Variants in PGBD2 observed in about 807,000 individuals in gnomAD.
PGBD2 encodes piggyBac transposable element derived 2.
In PGBD2, 6 loss-of-function variants were observed where a neutral mutation model predicts 8.1. The ratio of observed to expected loss-of-function variants is 0.74; its 90% CI spans 0.40 to 1.46. The LOEUF (loss-of-function observed/expected upper bound fraction) is 1.46, where lower values mean the gene tolerates loss of function less well. PGBD2 is among the 40% of genes most tolerant of loss of function. The pLI, the probability that PGBD2 is intolerant of heterozygous loss-of-function variation, is 0.02. For missense variants in PGBD2, 802 were observed against 739.0 expected (o/e 1.09, Z -0.99); for synonymous variants, 318 against 272.2 (o/e 1.17, Z -1.66).
chr1:248,916,390 A>T (rs1402640593), intron 2 of PGBD2, among the ~76,000 whole-genome samples: 1 of 152,166 alleles, frequency 6.6e-6, no homozygotes, highest in African/African-American at 2.4e-5. Context: ...GTGACAGAGC[A>T]TGACTCCGTC....
At chr1:248,903,808 T>C (rs1337527320), upstream of PGBD2, among the ~76,000 whole-genome samples, 1 of 152,188 alleles carries the variant, frequency 6.6e-6, no homozygotes, top group Non-Finnish European at 1.5e-5. Flanking sequence ...GTATGTGACA[T>C]TCTTAATTGT....
chr1:248,878,342 C>G, the PGBD2 span, among the ~76,000 whole-genome samples: 1 of 152,116 alleles, frequency 6.6e-6, no homozygotes, highest in East Asian at 1.9e-4. Context: ...CCACGCCCAG[C>G]TAGTTTTTGT....
chr1:248,916,953 T>C lies in PGBD2; in HGVS notation c.369T>C (p.Ser123=), dbSNP rs759403965. The part of the protein sequence containing the change: ...TKRDIRPDFG[S]WTASDPHIED... ...GAGATATTCGTCCAGACTTTGGCAG[T>C]TGGACTGCATCAGATCCTCATATTG... The change falls in exon 3 of 3, where the codon AGT becomes AGC. Residue 123 remains serine (S), a synonymous_variant. Transcript: ENST00000329291. The C allele has an allele frequency of 6.2e-7, 1 of 1,613,564 alleles. No homozygotes were observed. Among genetic ancestry groups the C allele is most frequent in the African/African-American group, 1.3e-5 (1 of 74,870 alleles).
At chr1:248,913,760 T>C in intron 1 of PGBD2, 56 bp from the exon 2 acceptor site, 2 of 887,412 alleles carry the variant, frequency 2.3e-6, no homozygotes, top group Non-Finnish European at 1.9e-6. Flanking sequence ...AAAGATCCTG[T>C]TGCCTTGCTT....
chr1:248,913,314 G>C (rs1437136335), intron 1 of PGBD2, among the ~76,000 whole-genome samples: 1 of 151,976 alleles, frequency 6.6e-6, no homozygotes, highest in Non-Finnish European at 1.5e-5. Flanking sequence ...ATTTCTTGTG[G>C]GTATTTATAG....
the PGBD2 span, among the ~76,000 whole-genome samples, chr1:248,874,289 C>A: frequency 3.9e-5 from 6 of 152,252 alleles, no homozygotes; most frequent in African/African-American, 9.6e-5. Context: ...CTCTCACCGC[C>A]GCGGCCCGGG....
the PGBD2 span, among the ~76,000 whole-genome samples, chr1:248,897,960 G>C: frequency 2.0e-5 from 3 of 152,198 alleles, no homozygotes; most frequent in East Asian, 1.9e-4. Flanking sequence ...CAGCAGCTAC[G>C]GCAGGTTGTG....
Position 248,917,537 on chromosome 1 carries a change from C to T in PGBD2, c.953C>T (p.Thr318Ile). Reference protein sequence around the residue: ...WFEPSQGTLFTKPDRSLDLGG... With the variant: ...WFEPSQGTLFIKPDRSLDLGG... ...GAGCCCTCACAGGGCACACTGTTTA[C>T]CAAGCCAGACAGGAGCTTGGATCTA... Residue 318 changes from threonine to isoleucine, a missense_variant, in exon 3 of 3, where the codon ACC (threonine) becomes ATC (isoleucine). By Grantham distance (89) the Thr-to-Ile change is moderately conservative. Transcript: ENST00000329291. 6.2e-7 allele frequency: 1 copy of T among 1,614,172 alleles called. No homozygotes were observed. The highest frequency in any genetic ancestry group is 8.5e-7 in the Non-Finnish European group (1 of 1,180,034).
upstream of PGBD2, among the ~76,000 whole-genome samples, chr1:248,902,050 C>G (rs111635840): frequency 6.6e-6 from 1 of 152,158 alleles, no homozygotes; most frequent in African/African-American, 2.4e-5. Flanking sequence ...AAGCGGATCA[C>G]TTGAGACTAG....
Position 248,906,670 on chromosome 1 carries a change from T to TGGGCGGGACGAAGG in PGBD2, c.-48+329_-48+342dup, listed in dbSNP as rs1344476703. On this transcript the variant is annotated intron_variant, in intron 1 of 2. Coordinates refer to ENST00000329291, the MANE Select transcript of PGBD2 (RefSeq NM_170725.3). ...GGGACCAGGGCAGGCTCGGGCGGGG[T>TGGGCGGGACGAAGG]GGGCGGGACGAAGGAGGCGGGCGGC... 3.1e-3 allele frequency among the ~76,000 whole-genome samples: 6 copies of TGGGCGGGACGAAGG among 1,958 alleles called. No homozygotes were observed. The East Asian group carries it at 0.1, about 34-fold the overall frequency. The allele number at this position is 1,958 out of a possible 152,430, so 1.3% of individuals were successfully genotyped here.
upstream of PGBD2, among the ~76,000 whole-genome samples, chr1:248,902,970 T>C (rs1474439930): frequency 1.3e-5 from 2 of 152,102 alleles, no homozygotes; most frequent in African/African-American, 4.8e-5. Flanking sequence ...CATTTACCTA[T>C]ATAACAAACC....
At chr1:248,927,856 T>C in the PGBD2 span, among the ~76,000 whole-genome samples, 3 of 152,124 alleles carry the variant, frequency 2.0e-5, no homozygotes, top group African/African-American at 7.2e-5. Flanking sequence ...AGATAGATGA[T>C]AGATAAAGAA....
the PGBD2 span, among the ~76,000 whole-genome samples, chr1:248,895,485 G>A: frequency 6.6e-5 from 10 of 152,012 alleles, no homozygotes; most frequent in Admixed American, 5.9e-4. Flanking sequence ...AATCATCCTC[G>A]TGTCTGGTGC....
Position 248,911,429 on chromosome 1 carries a change from T to TG in PGBD2, c.-47-2382dup, listed in dbSNP as rs1185556683. On this transcript the variant is annotated intron_variant, in intron 1 of 2. Transcript: ENST00000329291. ...GCACATGTTTCAGAGAGCACAGGGTTGGGGGTAAGGTCACAGATCAACAGG... is the reference window on the plus strand; with the variant it reads ...GCACATGTTTCAGAGAGCACAGGGTTGGGGGGTAAGGTCACAGATCAACAGG... 7.2e-4 allele frequency among the ~76,000 whole-genome samples: 108 copies of TG among 149,480 alleles called. 2 individuals carry two copies. Among genetic ancestry groups the TG allele is most frequent in the South Asian group, 5.0e-3 (24 of 4,812 alleles).
chr1:248,912,237 C>T (rs1004088279), intron 1 of PGBD2, among the ~76,000 whole-genome samples: 1 of 152,148 alleles, frequency 6.6e-6, no homozygotes, highest in African/African-American at 2.4e-5. Context: ...CTTCTGTTTG[C>T]ATTTCCCCCC....
chr1:248,909,200 A>G (rs1340088892), intron 1 of PGBD2, among the ~76,000 whole-genome samples: 1 of 152,142 alleles, frequency 6.6e-6, no homozygotes, highest in African/African-American at 2.4e-5. Context: ...AGGGCAAGAA[A>G]GATGGAGGAG....
chr1:248,873,174 C>T, the PGBD2 span, among the ~76,000 whole-genome samples: 1 of 151,748 alleles, frequency 6.6e-6, no homozygotes, highest in South Asian at 2.2e-4. Flanking sequence ...ACCTCACAGC[C>T]CACCGGGAGG....
upstream of PGBD2, among the ~76,000 whole-genome samples, chr1:248,901,333 T>C (rs573091999): frequency 6.6e-6 from 1 of 152,170 alleles, no homozygotes; most frequent in Non-Finnish European, 1.5e-5. Flanking sequence ...GGTACCCGAC[T>C]TCAAACTATA....
chr1:248,896,624 C>G, the PGBD2 span, among the ~76,000 whole-genome samples: 1 of 152,100 alleles, frequency 6.6e-6, no homozygotes, highest in Non-Finnish European at 1.5e-5. Flanking sequence ...CTTGGCCCCT[C>G]CCTCCTACAA....
Sources: allele counts gnomAD v4.1 joint callset (sites outside exome capture counted in the v4.1 genomes callset), GRCh38; gene constraint gnomAD v4.1.1; transcripts MANE v1.5; gene names NCBI Gene and HGNC (gene_info 2026-07-23, HGNC 2026-07-21).